MYZAP: variants seen among roughly 807,000 people sequenced by gnomAD.
MYZAP encodes myocardial zonula adherens protein.
A neutral mutation model predicts 69.4 loss-of-function variants in MYZAP; 66 were observed. The ratio of observed to expected loss-of-function variants is 0.95; its 90% confidence interval spans 0.78 to 1.17. MYZAP has a LOEUF of 1.17. Ranked by LOEUF, MYZAP falls within the 50% of genes most tolerant of loss-of-function variation. The probability of loss-of-function intolerance (pLI) is 0.00; values close to 1 mark genes in which losing one functional copy is unlikely to be tolerated. For missense variants in MYZAP, 611 were observed against 556.2 expected, an observed-to-expected ratio of 1.10 and a Z score of -0.99; for synonymous variants, 256 against 205.9, an observed-to-expected ratio of 1.24 and a Z score of -2.09.
At chr15:57,633,381 A>C (rs528492729) in intron 7 of MYZAP, among the ~76,000 whole-genome samples, 10 of 152,290 alleles carry the variant, frequency 6.6e-5, no homozygotes, top group African/African-American at 1.7e-4. Context: ...GACTTAAGGG[A>C]AAAAAGGGAA....
rs561389518 is a variant in MYZAP, at chr15:57,648,400, T to C, written c.1119+8855T>C. ...ACACCTGGTGCCCAGTTTCTGGCCA[T>C]AGAAACTATGTGAGGCTGAGTAATT... is the stretch of plus-strand genomic sequence containing the variant. On this transcript the variant is annotated intron_variant, in intron 10 of 12. Coordinates refer to ENST00000267853, the MANE Select transcript of MYZAP (RefSeq NM_001018100.5). 5.6e-5 allele frequency: 55 copies of C among 985,348 alleles called. No homozygotes were observed. In the African/African-American group the frequency reaches 8.9e-4, roughly 16 times the overall value. The allele number at this position is 985,348 out of a possible 1,614,324, so 61.0% of individuals were successfully genotyped here.
chr15:57,612,094 A>T (rs2035140662), intron 2 of MYZAP, among the ~76,000 whole-genome samples: 1 of 152,238 alleles, frequency 6.6e-6, no homozygotes, highest in Non-Finnish European at 1.5e-5. Flanking sequence ...GCCAGAGCAC[A>T]TTCCCGAAGT....
chr15:57,639,401 G>A, intron 9 of MYZAP, 39 bp from the exon 10 acceptor site: 1 of 1,608,432 alleles, frequency 6.2e-7, no homozygotes, highest in Non-Finnish European at 8.5e-7. Flanking sequence ...TGCTGCTTTG[G>A]TTTAGGACTC....
intron 5 of MYZAP, 148 bp downstream of exon 5, chr15:57,626,040 G>C: frequency 1.4e-6 from 1 of 724,532 alleles, no homozygotes; most frequent in Non-Finnish European, 2.3e-6. Context: ...GTGCCCAGAA[G>C]ACAGTGTAGG....
intron 4 of MYZAP, among the ~76,000 whole-genome samples, chr15:57,624,709 C>T (rs1415036310): frequency 6.6e-6 from 1 of 152,220 alleles, no homozygotes; most frequent in Non-Finnish European, 1.5e-5. Flanking sequence ...TGTCTCTCTG[C>T]CTACTGGTCT....
chr15:57,649,598 A>G (rs2037625010), intron 10 of MYZAP, among the ~76,000 whole-genome samples: 1 of 152,194 alleles, frequency 6.6e-6, no homozygotes, highest in Non-Finnish European at 1.5e-5. Context: ...TCTTATCAAT[A>G]TTAATCATTT....
At chr15:57,615,459 C>T (rs377382791) in intron 2 of MYZAP, among the ~76,000 whole-genome samples, 5 of 152,178 alleles carry the variant, frequency 3.3e-5, no homozygotes, top group African/African-American at 7.2e-5. Context: ...CTTCATCTCC[C>T]TGCTTGGGCC....
chr15:57,651,663 T>C (rs1044686938), intron 10 of MYZAP, among the ~76,000 whole-genome samples: 2 of 151,880 alleles, frequency 1.3e-5, no homozygotes, highest in Non-Finnish European at 2.9e-5. Context: ...GTGAAGGGAG[T>C]GAATGAATGA....
intron 1 of MYZAP, among the ~76,000 whole-genome samples, chr15:57,601,942 G>T (rs2034442917): frequency 6.6e-6 from 1 of 152,142 alleles, no homozygotes; most frequent in Non-Finnish European, 1.5e-5. Flanking sequence ...GGGTGGCAAT[G>T]GTGTACGTGG....
chr15:57,599,684 G>A (rs1204534778), intron 1 of MYZAP: 1 of 1,289,056 alleles, frequency 7.8e-7, no homozygotes, highest in Non-Finnish European at 1.0e-6. Flanking sequence ...ATGGAGATCA[G>A]CCTCGTAAAA....
chr15:57,592,574 G>C (rs2033747436), intron 1 of MYZAP, among the ~76,000 whole-genome samples: 1 of 152,068 alleles, frequency 6.6e-6, no homozygotes, highest in Non-Finnish European at 1.5e-5. Flanking sequence ...GTTAGCCAAG[G>C]TGGGCAAACC....
intron 12 of MYZAP, among the ~76,000 whole-genome samples, chr15:57,675,444 G>A: frequency 6.6e-6 from 1 of 152,176 alleles, no homozygotes; most frequent in Middle Eastern, 3.2e-3. Context: ...AGTCTGGAGG[G>A]AGAGACAGGT....
At chr15:57,610,483 G>C (rs566568973) in intron 2 of MYZAP, among the ~76,000 whole-genome samples, 1 of 152,160 alleles carries the variant, frequency 6.6e-6, no homozygotes. Flanking sequence ...CAGGGACTCT[G>C]CGTGCCCCTC....
intron 2 of MYZAP, among the ~76,000 whole-genome samples, chr15:57,605,466 T>A (rs1361740927): frequency 2.0e-5 from 3 of 152,180 alleles, no homozygotes; most frequent in Non-Finnish European, 4.4e-5. Context: ...TAACCACTAA[T>A]GTGGTCAACT....
chr15:57,629,650 A>G (rs373463667), intron 5 of MYZAP, 52 bp from the exon 6 acceptor site: 6 of 1,590,236 alleles, frequency 3.8e-6, no homozygotes, highest in Middle Eastern at 1.7e-4. Flanking sequence ...GGTGCAGCCC[A>G]TGTGTTTTCA....
At chr15:57,667,645 T>G (rs1329635996) in intron 11 of MYZAP, among the ~76,000 whole-genome samples, 1 of 152,208 alleles carries the variant, frequency 6.6e-6, no homozygotes, top group African/African-American at 2.4e-5. Context: ...AGACTTTTCT[T>G]AAATCTGTCC....
intron 12 of MYZAP, among the ~76,000 whole-genome samples, chr15:57,678,041 C>CAAAAAAAAAAAAA (rs56102709): frequency 4.0e-4 from 47 of 116,206 alleles, no homozygotes; most frequent in African/African-American, 1.3e-3. Flanking sequence ...TTATCTCTAC[C>CAAAAAAAAAAAAA]AAAAAAAAAA....
intron 1 of MYZAP, among the ~76,000 whole-genome samples, chr15:57,592,559 G>T (rs938304075): frequency 1.3e-5 from 2 of 152,268 alleles, no homozygotes; most frequent in East Asian, 1.9e-4. Context: ...TAATTCTGGA[G>T]TGGGGTTAGC....
intron 8 of MYZAP, among the ~76,000 whole-genome samples, chr15:57,637,409 T>C (rs2036878086): frequency 6.6e-6 from 1 of 152,166 alleles, no homozygotes; most frequent in Admixed American, 6.5e-5. Context: ...ATAATCAGTA[T>C]TTGGGGCTAT....
Sources: gnomAD v4.1 joint callset for allele counts (sites outside exome capture counted in the v4.1 genomes callset) on GRCh38, gnomAD v4.1.1 for gene constraint, MANE v1.5 for transcripts, NCBI Gene and HGNC (gene_info 2026-07-23, HGNC 2026-07-21) for gene names.